Variants in CPVL observed in about 807,000 individuals in gnomAD.
CPVL encodes the protein carboxypeptidase vitellogenic like.
Under a neutral mutation model 63.7 loss-of-function variants are expected in CPVL, and 51 were observed. That is an observed-to-expected ratio of 0.80 (90% CI 0.64 to 1.01). The LOEUF (loss-of-function observed/expected upper bound fraction) is 1.01. Among genes scored for constraint, CPVL ranks in the 50% least tolerant of loss-of-function variants. The pLI is 0.00. For missense variants in CPVL, 530 were observed against 573.1 expected (o/e 0.92, Z 0.77); for synonymous variants, 195 against 206.0 (o/e 0.95, Z 0.46).
At position 29,103,035 on chromosome 7, in the gene CPVL, C is replaced by T. The variant is rs201251374; in HGVS notation, c.289-6818G>A. Among the ~76,000 whole-genome samples the T allele has an allele frequency of 1.1e-4, 16 of 152,170 alleles. No homozygotes were observed. The East Asian group carries it at 2.9e-3, about 28-fold the overall frequency. On this transcript the variant is annotated intron_variant, in intron 3 of 12. Coordinates refer to ENST00000265394, the MANE Select transcript of CPVL (RefSeq NM_031311.5). The stretch of plus-strand genomic sequence containing the variant: ...GATATACCCTCCCTGGACAGCATCA[C>T]CTTTGCCCTGAGTCTTCCTTTCCAC...
chr7:29,004,244 A>AG (rs1168381624), intron 12 of CPVL, among the ~76,000 whole-genome samples: 1 of 152,192 alleles, frequency 6.6e-6, no homozygotes, highest in African/African-American at 2.4e-5. Flanking sequence ...GCATGATATG[A>AG]GAAACAGACT....
intron 5 of CPVL, among the ~76,000 whole-genome samples, chr7:29,178,315 A>G (rs910834098): frequency 6.6e-6 from 1 of 152,206 alleles, no homozygotes; most frequent in Non-Finnish European, 1.5e-5. Flanking sequence ...ATAAACAGAA[A>G]GTCTCCACTA....
intron 11 of CPVL, among the ~76,000 whole-genome samples, chr7:29,039,935 T>C (rs1247556292): frequency 6.6e-6 from 1 of 152,232 alleles, no homozygotes; most frequent in Non-Finnish European, 1.5e-5. Flanking sequence ...CCCAATGATC[T>C]AGTGACCTTA....
intron 11 of CPVL, among the ~76,000 whole-genome samples, chr7:29,038,124 A>G (rs1788730286): frequency 6.6e-6 from 1 of 152,164 alleles, no homozygotes; most frequent in African/African-American, 2.4e-5. Flanking sequence ...GTTAGTCCAA[A>G]TGGTGTTGTT....
rs144820715 is a variant in CPVL, at chr7:29,099,818, G to A, written c.289-3601C>T. Among the ~76,000 whole-genome samples the A allele has an allele frequency of 6.5e-4, 99 of 152,334 alleles. 1 individual carries two copies. The East Asian group carries it at 0.014, about 22-fold the overall frequency. ...AGCCGTGGAATTGGGAGCCAGACAG[G>A]CTGTGGTTCCAGTTGGCCACATAAC... On this transcript the variant is annotated intron_variant, in intron 3 of 12. Coordinates refer to ENST00000265394, the MANE Select transcript of CPVL (RefSeq NM_031311.5).
At chr7:29,064,295 G>C in intron 10 of CPVL, 61 bp from the exon 11 acceptor site, 1 of 1,047,850 alleles carries the variant, frequency 9.5e-7, no homozygotes, top group East Asian at 2.4e-5. Context: ...ACAGTATGTT[G>C]GGAAAAGCTG....
intron 12 of CPVL, among the ~76,000 whole-genome samples, chr7:29,027,869 G>C (rs1415335414): frequency 6.6e-6 from 1 of 152,034 alleles, no homozygotes; most frequent in Non-Finnish European, 1.5e-5. Context: ...CTCATGGATT[G>C]GAAAAATTAA....
intron 3 of CPVL, among the ~76,000 whole-genome samples, chr7:29,101,640 T>C (rs1302934016): frequency 1.3e-5 from 2 of 152,072 alleles, no homozygotes; most frequent in East Asian, 3.9e-4. Context: ...TTTTCTATTA[T>C]AAAAACAGTA....
chr7:29,087,852 G>A (rs1421215114), intron 6 of CPVL, among the ~76,000 whole-genome samples: 1 of 152,184 alleles, frequency 6.6e-6, no homozygotes, highest in Non-Finnish European at 1.5e-5. Flanking sequence ...CTACTGTAGA[G>A]TTTCGGTGTA....
intron 5 of CPVL, among the ~76,000 whole-genome samples, chr7:29,154,562 G>A (rs984110990): frequency 1.1e-4 from 17 of 152,176 alleles, no homozygotes; most frequent in Non-Finnish European, 1.3e-4. Flanking sequence ...GGCTGGGCAC[G>A]GTGACTCATG....
chr7:29,147,900 T>C (rs1284028286), upstream of CPVL, among the ~76,000 whole-genome samples: 2 of 152,178 alleles, frequency 1.3e-5, no homozygotes, highest in Admixed American at 6.5e-5. Context: ...AAAGGCCAGA[T>C]TGAAACTTTG....
intron 11 of CPVL, among the ~76,000 whole-genome samples, chr7:29,039,096 A>T (rs557262230): frequency 1.3e-5 from 2 of 152,328 alleles, no homozygotes; most frequent in African/African-American, 4.8e-5. Context: ...TTATGCTTTC[A>T]TTCTTTAAGT....
chr7:29,085,379 A>C (rs977396103), intron 7 of CPVL, among the ~76,000 whole-genome samples: 2 of 152,240 alleles, frequency 1.3e-5, no homozygotes, highest in African/African-American at 4.8e-5. Context: ...AAAAATAAAA[A>C]ACAAATTTTA....
chr7:29,160,050 A>G (rs1425819757), intron 5 of CPVL, among the ~76,000 whole-genome samples: 1 of 152,158 alleles, frequency 6.6e-6, no homozygotes, highest in African/African-American at 2.4e-5. Flanking sequence ...CTTCATTATT[A>G]TCTTGCCTCA....
chr7:29,194,639 C>T (rs562031075), intron 1 of CPVL: 101 of 309,708 alleles, frequency 3.3e-4, no homozygotes, highest in African/African-American at 2.1e-3. Flanking sequence ...CGGCGGGAGC[C>T]GAGATCCGCC....
rs189013011 is a variant in CPVL, at chr7:29,030,869, C to T, written c.1138-110G>A. 4.2e-4 allele frequency: 393 copies of T among 935,794 alleles called. 2 individuals are homozygous for T. In the African/African-American group the frequency reaches 5.4e-3, roughly 13 times the overall value. 58.0% of individuals were successfully genotyped at this position (935,794 alleles called of 1,614,324 possible). On this transcript the variant is annotated intron_variant, in intron 11 of 12. Transcript: ENST00000265394. ...GAGAGAGAAAAAGAGACATGAATCT[C>T]TCTGAGATTTTCTTCTAGTTAGCCA... is the stretch of plus-strand genomic sequence containing the variant.
At chr7:29,186,201 A>G (rs1798682792) in intron 2 of CPVL, among the ~76,000 whole-genome samples, 1 of 152,094 alleles carries the variant, frequency 6.6e-6, no homozygotes, top group African/African-American at 2.4e-5. Flanking sequence ...TCAGGAGTAC[A>G]AGTCCTATGA....
intron 1 of CPVL, among the ~76,000 whole-genome samples, chr7:29,141,603 G>A (rs1791887567): frequency 6.6e-6 from 1 of 151,838 alleles, no homozygotes. Context: ...AGCTTCAAAT[G>A]TGGCTTCTGC....
chr7:29,177,535 T>TG (rs1406662039), intron 5 of CPVL, among the ~76,000 whole-genome samples: 1 of 151,766 alleles, frequency 6.6e-6, no homozygotes, highest in Non-Finnish European at 1.5e-5. Context: ...ATTACAGGCA[T>TG]GACCCACCGT....
Sources: gnomAD v4.1 joint callset for allele counts (sites outside exome capture counted in the v4.1 genomes callset) on GRCh38, gnomAD v4.1.1 for gene constraint, MANE v1.5 for transcripts, NCBI Gene and HGNC (gene_info 2026-07-23, HGNC 2026-07-21) for gene names.